Variants in CHCHD4 observed in about 807,000 individuals in gnomAD.
CHCHD4 encodes the protein mitochondrial intermembrane space import and assembly protein 40.
CHCHD4 carries 7 observed loss-of-function variants against 12.4 expected under a neutral mutation model. The observed-to-expected ratio is 0.57, with a 90% CI of 0.32 to 1.06. The LOEUF is 1.06. CHCHD4 is among the 50% of genes least tolerant of loss of function. The probability of loss-of-function intolerance (pLI) is 0.04; values close to 1 mark genes in which losing one functional copy is unlikely to be tolerated. For synonymous variants in CHCHD4, 56 were observed against 58.0 expected (o/e 0.97, Z 0.16); for missense variants, 143 against 175.1 (o/e 0.82, Z 1.03).
chr3:14,123,094 G>A (rs1694955542), intron 1 of CHCHD4, among the ~76,000 whole-genome samples: 1 of 152,160 alleles, frequency 6.6e-6, no homozygotes, highest in Non-Finnish European at 1.5e-5. Flanking sequence ...GTATGCACAA[G>A]ATAAATACTA....
At chr3:14,115,725 C>A (rs1694870075) in intron 2 of CHCHD4, among the ~76,000 whole-genome samples, 1 of 152,220 alleles carries the variant, frequency 6.6e-6, no homozygotes, top group Non-Finnish European at 1.5e-5. Flanking sequence ...CCAGTTAGCA[C>A]TAGAAGATTA....
intron 1 of CHCHD4, among the ~76,000 whole-genome samples, chr3:14,121,575 G>C (rs1006193908): frequency 6.6e-6 from 1 of 152,198 alleles, no homozygotes; most frequent in Admixed American, 6.5e-5. Context: ...CCAGGGTCAT[G>C]TTTGAGAATG....
chr3:14,112,989 A>C lies in CHCHD4; in HGVS notation c.327T>G (p.Asp109Glu), dbSNP rs749794039. Residue 109 changes from aspartate (D) to glutamate (E), a missense_variant, in exon 3 of 3, where the codon GAT (aspartate) becomes GAG (glutamate). Transcript: ENST00000396914. ...TCTCTCTTTCCTCTTCCTCATCCTC[A>C]TCCTCTTGGGGATAGAGGTCTGGGT... ...QKYPDLYPQE[D>E]EDEEEEREKK... is the part of the protein sequence containing the mutation. 6.2e-7 allele frequency: 1 copy of C among 1,613,008 alleles called. No individual in the cohort carries two copies. The highest frequency in any genetic ancestry group is 2.2e-5 in the East Asian group (1 of 44,818).
Position 14,112,827 on chromosome 3 carries a change from A to G in CHCHD4, c.*60T>C. The G allele has an allele frequency of 6.7e-7, 1 of 1,483,176 alleles. No homozygotes were observed. Among genetic ancestry groups the G allele is most frequent in the Non-Finnish European group, 9.1e-7 (1 of 1,095,172 alleles). The allele number at this position is 1,483,176 out of a possible 1,614,324, so 91.9% of individuals were successfully genotyped here. On this transcript the variant is annotated 3_prime_UTR_variant, in exon 3 of 3. Transcript: ENST00000396914. ...GGAAACTTTCTTGGAAGGTGATGACAAGGCCTTTTGCAAAAGGTCCACTCC... is the reference window on the plus strand; with the variant it reads ...GGAAACTTTCTTGGAAGGTGATGACGAGGCCTTTTGCAAAAGGTCCACTCC...
At chr3:14,123,976 G>A (rs1694971144) in intron 1 of CHCHD4, among the ~76,000 whole-genome samples, 1 of 152,210 alleles carries the variant, frequency 6.6e-6, no homozygotes, top group Non-Finnish European at 1.5e-5. Context: ...CTCTTCTGGG[G>A]TCACAATGCC....
At chr3:14,124,619 C>G (rs1329370997) in intron 1 of CHCHD4, 36 bp downstream of exon 1, 3 of 1,497,222 alleles carry the variant, frequency 2.0e-6, no homozygotes, top group Admixed American at 2.3e-5. Context: ...CGCAGGCCCT[C>G]GTAGGCCGGT....
chr3:14,113,631 C>G (rs754687645), intron 2 of CHCHD4, among the ~76,000 whole-genome samples: 29 of 152,154 alleles, frequency 1.9e-4, no homozygotes, highest in Non-Finnish European at 3.2e-4. Context: ...TCCCTGCCCC[C>G]CTGAGCCCCT....
Position 14,124,749 on chromosome 3 carries a change from T to G in CHCHD4, c.-73A>C. The G allele has an allele frequency of 6.8e-7, 1 of 1,465,140 alleles. No individual in the cohort carries two copies. The highest frequency in any genetic ancestry group is 9.1e-7 in the Non-Finnish European group (1 of 1,097,214). 90.8% of individuals were successfully genotyped at this position (1,465,140 alleles called of 1,614,324 possible). On this transcript the variant is annotated 5_prime_UTR_variant, in exon 1 of 3. Transcript: ENST00000396914. ...CTGCACCTTTACGCCGTGACCTCCC[T>G]CTCCTCTGGCAGGGCGGGCTCCTCC...
At chr3:14,114,559 G>A in intron 2 of CHCHD4, among the ~76,000 whole-genome samples, 1 of 152,030 alleles carries the variant, frequency 6.6e-6, no homozygotes, top group African/African-American at 2.4e-5. Context: ...GCTGCCCCCT[G>A]GAGCTTCAAA....
intron 1 of CHCHD4, 127 bp from the exon 2 acceptor site, chr3:14,116,651 C>T (rs1317680215): frequency 2.8e-6 from 2 of 722,208 alleles, no homozygotes; most frequent in African/African-American, 3.6e-5. Flanking sequence ...TGTGAGGTGA[C>T]TATCAAACTG....
chr3:14,112,852 C>T lies in CHCHD4; in HGVS notation c.*35G>A, dbSNP rs201557409. ...AAGGCCTTTTGCAAAAGGTCCACTC[C>T]AAAAGGACTGGTGCCCAGTGCCTTG... On this transcript the variant is annotated 3_prime_UTR_variant, in exon 3 of 3. Transcript: ENST00000396914. 91 of 1,573,332 alleles carry T rather than the reference C, an allele frequency of 5.8e-5. No homozygotes were observed. Among genetic ancestry groups the T allele is most frequent in the Non-Finnish European group, 7.2e-5 (84 of 1,159,160 alleles).
At chr3:14,117,871 G>A (rs1471808670) in intron 1 of CHCHD4, among the ~76,000 whole-genome samples, 2 of 152,170 alleles carry the variant, frequency 1.3e-5, no homozygotes, top group African/African-American at 4.8e-5. Context: ...CACCCATACT[G>A]CCCCGCACCA....
At chr3:14,118,343 A>G (rs1559357015) in intron 1 of CHCHD4, among the ~76,000 whole-genome samples, 1 of 152,326 alleles carries the variant, frequency 6.6e-6, no homozygotes, top group East Asian at 1.9e-4. Context: ...TTATATTTAG[A>G]AAAGTTCAGT....
At chr3:14,115,413 C>G (rs1031200423) in intron 2 of CHCHD4, among the ~76,000 whole-genome samples, 1 of 139,892 alleles carries the variant, frequency 7.1e-6, no homozygotes, top group African/African-American at 3.3e-5. Context: ...CAGTCTTGAT[C>G]AATTAATGAA....
chr3:14,123,079 C>T (rs779909171), intron 1 of CHCHD4, among the ~76,000 whole-genome samples: 1 of 152,046 alleles, frequency 6.6e-6, no homozygotes, highest in African/African-American at 2.4e-5. Context: ...CTTACGGGGA[C>T]AGTGGTATGC....
Position 14,124,814 on chromosome 3 carries a change from C to T in CHCHD4, c.-138G>A. 9.4e-7 allele frequency: 1 copy of T among 1,063,490 alleles called. No homozygotes were observed. The highest frequency in any genetic ancestry group is 1.3e-6 in the Non-Finnish European group (1 of 758,382). The allele number at this position is 1,063,490 out of a possible 1,614,324, so 65.9% of individuals were successfully genotyped here. A position where few individuals can be genotyped will look rare whatever the true frequency, so the allele number is the denominator to read the frequency against. On this transcript the variant is annotated 5_prime_UTR_variant, in exon 1 of 3. Coordinates refer to ENST00000396914, the MANE Select transcript of CHCHD4 (RefSeq NM_001098502.2). ...CCCGCCCCCTCCCAGGCCTGCCCGC[C>T]GCGCGCCTGCCTCGGCGCCCTCGCA...
At chr3:14,124,054 T>C (rs1047034815) in intron 1 of CHCHD4, among the ~76,000 whole-genome samples, 10 of 152,212 alleles carry the variant, frequency 6.6e-5, no homozygotes, top group East Asian at 1.9e-4. Context: ...GTGTCTAACT[T>C]TACTCTTCAG....
In CHCHD4 at chr3:14,120,849, G is replaced by A. The variant is rs184942295; in HGVS notation, c.22+3806C>T. ...GAAGGGTGGCTTTTCAGTCAACAGG[G>A]ACAGGTTTATTTTAAACAAACCTGA... On this transcript the variant is annotated intron_variant, in intron 1 of 2. Transcript: ENST00000396914. 6.5e-4 allele frequency among the ~76,000 whole-genome samples: 99 copies of A among 152,290 alleles called. No homozygotes were observed. In the East Asian group the frequency reaches 0.017, roughly 26 times the overall value.
In CHCHD4 at chr3:14,116,613, T is replaced by G. The variant is rs114495322; in HGVS notation, c.23-89A>C. On this transcript the variant is annotated intron_variant, in intron 1 of 2. Transcript: ENST00000396914. ...AAAGCAGCCGCCACACAAACCAAGT[T>G]TGAAGACTCTCCCATATGCCATCCC... 6 of 899,978 alleles carry G rather than the reference T, an allele frequency of 6.7e-6. No homozygotes were observed. In the South Asian group the frequency reaches 7.9e-5, roughly 12 times the overall value. The allele number at this position is 899,978 out of a possible 1,614,324, so 55.7% of individuals were successfully genotyped here.
Sources: allele counts gnomAD v4.1 joint callset (sites outside exome capture counted in the v4.1 genomes callset), GRCh38; gene constraint gnomAD v4.1.1; transcripts MANE v1.5; gene names NCBI Gene and HGNC (gene_info 2026-07-23, HGNC 2026-07-21).